CLIC5: variants seen among roughly 807,000 people sequenced by gnomAD.
CLIC5 encodes the protein CLIC family member 5, also known as chloride intracellular channel protein 5.
A neutral mutation model predicts 24.7 loss-of-function variants in CLIC5; 20 were observed. That is an observed-to-expected ratio of 0.81 (90% CI 0.57 to 1.18). The LOEUF (loss-of-function observed/expected upper bound fraction) is 1.18, where lower values mean the gene tolerates loss of function less well. Among genes scored for constraint, CLIC5 ranks in the 50% most tolerant of loss-of-function variants. The pLI is 0.00. For missense variants in CLIC5, 341 were observed against 326.1 expected, an observed-to-expected ratio of 1.05 and a Z score of -0.35; for synonymous variants, 159 against 135.6, an observed-to-expected ratio of 1.17 and a Z score of -1.20.
chr6:46,015,716 T>G lies in CLIC5; in HGVS notation c.-174A>C. ...CGAGCAGCGGGGTCTGAGAGATCAG[T>G]GTCCCAGATGCTCACATGAAAAGGA... On this transcript the variant is annotated 5_prime_UTR_variant, in exon 1 of 6. Coordinates refer to ENST00000339561, the MANE Select transcript of CLIC5 (RefSeq NM_016929.5). 1 of 1,261,844 alleles carries G rather than the reference T, an allele frequency of 7.9e-7. No homozygotes were observed. Among genetic ancestry groups the G allele is most frequent in the African/African-American group, 1.5e-5 (1 of 64,568 alleles). The allele number at this position is 1,261,844 out of a possible 1,614,324, so 78.2% of individuals were successfully genotyped here. A position where few individuals can be genotyped will look rare whatever the true frequency, so the allele number is the denominator to read the frequency against.
At chr6:46,018,061 A>G (rs1366401968), upstream of CLIC5, among the ~76,000 whole-genome samples, 1 of 152,154 alleles carries the variant, frequency 6.6e-6, no homozygotes, top group Non-Finnish European at 1.5e-5. Flanking sequence ...TGCACCAATG[A>G]CTACATACTT....
intron 1 of CLIC5, among the ~76,000 whole-genome samples, chr6:46,050,406 A>G (rs1648133803): frequency 6.6e-6 from 1 of 152,202 alleles, no homozygotes; most frequent in Non-Finnish European, 1.5e-5. Flanking sequence ...ACAATATACC[A>G]TTTGTCCAAG....
chr6:46,097,360 A>C, the CLIC5 span: 1 of 152,244 alleles, frequency 6.6e-6, no homozygotes, highest in African/African-American at 2.4e-5. Context: ...AAAGAAAAAA[A>C]CAACAACAAT....
intron 1 of CLIC5, among the ~76,000 whole-genome samples, chr6:45,996,354 G>C (rs1000962862): frequency 6.6e-6 from 1 of 152,054 alleles, no homozygotes; most frequent in Non-Finnish European, 1.5e-5. Flanking sequence ...AGTTTAATTA[G>C]ATCCCATTTG....
chr6:45,930,762 C>T (rs909637713), intron 4 of CLIC5, among the ~76,000 whole-genome samples: 1 of 152,144 alleles, frequency 6.6e-6, no homozygotes, highest in Admixed American at 6.5e-5. Context: ...CATATTGGTG[C>T]CTACTGTGTG....
At chr6:46,097,108 T>C in the CLIC5 span, 1 of 152,206 alleles carries the variant, frequency 6.6e-6, no homozygotes, top group African/African-American at 2.4e-5. Context: ...TCTAAACAAA[T>C]TTTTGACTAT....
rs1762445168 is a variant in CLIC5, at chr6:45,899,101, G to A, written c.*3987C>T. The A allele has an allele frequency of 6.6e-6, 1 of 152,178 alleles. No homozygotes were observed. Among genetic ancestry groups the A allele is most frequent in the Non-Finnish European group, 1.5e-5 (1 of 68,032 alleles). 9.4% of individuals were successfully genotyped at this position (152,178 alleles called of 1,614,324 possible). A position where few individuals can be genotyped will look rare whatever the true frequency, so the allele number is the denominator to read the frequency against. Reference sequence around the variant, plus strand: ...GGAGATGCATACTGACAAAGGGGAAGAATGTGTGTTGATGAGGAGGGCACA... The same window carrying A: ...GGAGATGCATACTGACAAAGGGGAAAAATGTGTGTTGATGAGGAGGGCACA... On this transcript the variant is annotated 3_prime_UTR_variant, in exon 6 of 6. Transcript: ENST00000339561.
chr6:46,055,218 T>C (rs1484420014), intron 1 of CLIC5, among the ~76,000 whole-genome samples: 1 of 152,170 alleles, frequency 6.6e-6, no homozygotes, highest in Non-Finnish European at 1.5e-5. Context: ...TTCTCACACC[T>C]CAGCCTCCTG....
exon 1 of CLIC5, chr6:46,080,348 T>A (rs1264032284): frequency 1.1e-6 from 1 of 925,630 alleles, no homozygotes; most frequent in Non-Finnish European, 1.6e-6. Flanking sequence ...AACGAGCTCT[T>A]AAAAGGCAGC....
the CLIC5 span, among the ~76,000 whole-genome samples, chr6:46,087,740 T>A: frequency 6.6e-6 from 1 of 152,088 alleles, no homozygotes; most frequent in Non-Finnish European, 1.5e-5. Flanking sequence ...ATACCTGATA[T>A]CCAAATACTG....
At chr6:46,108,196 T>C in the CLIC5 span, among the ~76,000 whole-genome samples, 8 of 152,078 alleles carry the variant, frequency 5.3e-5, no homozygotes, top group African/African-American at 1.9e-4. Context: ...TTATTAAAAT[T>C]ATTGTTAGCA....
intron 1 of CLIC5, among the ~76,000 whole-genome samples, chr6:46,077,551 G>A (rs959745930): frequency 2.1e-4 from 32 of 151,928 alleles, no homozygotes; most frequent in Non-Finnish European, 3.5e-4. Flanking sequence ...TGTTTTACTC[G>A]ATTTTATATA....
chr6:45,912,030 C>T lies in CLIC5; in HGVS notation c.588+2198G>A, dbSNP rs1176688694. On this transcript the variant is annotated intron_variant, in intron 5 of 5. Coordinates refer to ENST00000339561, the MANE Select transcript of CLIC5 (RefSeq NM_016929.5). ...CGCAAGAGGAGAGTGAGCATGAAAG[C>T]AGCAAGGGGGTAAGGATGCACACGG... 4 of 985,548 alleles carry T rather than the reference C, an allele frequency of 4.1e-6. No individual in the cohort carries two copies. The African/African-American group carries it at 7.0e-5, about 17-fold the overall frequency. The allele number at this position is 985,548 out of a possible 1,614,324, so 61.1% of individuals were successfully genotyped here. A position where few individuals can be genotyped will look rare whatever the true frequency, so the allele number is the denominator to read the frequency against.
At chr6:46,041,402 A>G (rs1767803836) in intron 1 of CLIC5, among the ~76,000 whole-genome samples, 1 of 152,172 alleles carries the variant, frequency 6.6e-6, no homozygotes, top group South Asian at 2.1e-4. Context: ...ATTGCAAACT[A>G]TACCTCAGTC....
At chr6:45,940,912 T>A (rs1764106255) in intron 4 of CLIC5, among the ~76,000 whole-genome samples, 1 of 152,106 alleles carries the variant, frequency 6.6e-6, no homozygotes. Context: ...TGAGCATAAC[T>A]GGGGGGGACT....
exon 1 of CLIC5, chr6:46,080,201 T>C: frequency 1.3e-6 from 2 of 1,551,670 alleles, no homozygotes; most frequent in Non-Finnish European, 1.7e-6. Flanking sequence ...TCCTCTCATT[T>C]TGGATTGTGT....
chr6:45,959,131 A>C (rs1224285196), intron 1 of CLIC5, among the ~76,000 whole-genome samples: 1 of 152,156 alleles, frequency 6.6e-6, no homozygotes, highest in Non-Finnish European at 1.5e-5. Flanking sequence ...CTGCACCTAT[A>C]ACTTCCTGCA....
intron 4 of CLIC5, among the ~76,000 whole-genome samples, chr6:45,926,756 G>T (rs1763515225): frequency 6.6e-6 from 1 of 152,248 alleles, no homozygotes; most frequent in South Asian, 2.1e-4. Context: ...TAAAAATAAT[G>T]GTGAAAAGAA....
At chr6:46,109,373 C>T in the CLIC5 span, among the ~76,000 whole-genome samples, 1 of 151,810 alleles carries the variant, frequency 6.6e-6, no homozygotes, top group Admixed American at 6.6e-5. Context: ...ACTTCCAGGA[C>T]TCTAATTAAA....
Sources: allele counts gnomAD v4.1 joint callset (sites outside exome capture counted in the v4.1 genomes callset), GRCh38; gene constraint gnomAD v4.1.1; transcripts MANE v1.5; gene names NCBI Gene and HGNC (gene_info 2026-07-23, HGNC 2026-07-21).